ARMC3: variants seen among roughly 807,000 people sequenced by gnomAD.
The protein encoded by ARMC3 is armadillo repeat containing 3, also known as armadillo repeat-containing protein 3.
In ARMC3, 74 loss-of-function variants were observed where a neutral mutation model predicts 90.3. The ratio of observed to expected loss-of-function variants is 0.82; its 90% CI spans 0.68 to 0.99. ARMC3 has a LOEUF of 0.99. ARMC3 is among the 50% of genes least tolerant of loss of function. The probability of loss-of-function intolerance (pLI) is 0.00; values close to 1 mark genes in which losing one functional copy is unlikely to be tolerated. For synonymous variants in ARMC3, 334 were observed against 361.8 expected (o/e 0.92, Z 0.87); for missense variants, 958 against 1,042.8 (o/e 0.92, Z 1.12).
chr10:22,931,432 A>T (rs896543995), intron 1 of ARMC3, among the ~76,000 whole-genome samples: 5 of 152,204 alleles, frequency 3.3e-5, no homozygotes, highest in Non-Finnish European at 7.4e-5. Flanking sequence ...ACTTTTTGTT[A>T]TCCGGGCAAA....
intron 10 of ARMC3, among the ~76,000 whole-genome samples, chr10:22,995,963 T>C (rs1183808742): frequency 6.6e-6 from 1 of 152,186 alleles, no homozygotes; most frequent in Non-Finnish European, 1.5e-5. Context: ...AAAGTGAACA[T>C]TCTCGAGGGA....
intron 7 of ARMC3, among the ~76,000 whole-genome samples, chr10:22,963,476 C>T (rs1332907073): frequency 6.6e-6 from 1 of 152,158 alleles, no homozygotes; most frequent in Non-Finnish European, 1.5e-5. Flanking sequence ...TTCTTCTCCA[C>T]ATCCTCACCT....
At chr10:23,017,872 C>T (rs779312909) in intron 16 of ARMC3, among the ~76,000 whole-genome samples, 6 of 152,224 alleles carry the variant, frequency 3.9e-5, no homozygotes, top group Non-Finnish European at 7.4e-5. Context: ...GTTTTAAGTT[C>T]CTTGTTCTCA....
At position 23,018,514 on chromosome 10, in the gene ARMC3, ATTTTTTTT is replaced by A. The variant is rs5783816; in HGVS notation, c.2045+9596_2045+9603del. The stretch of plus-strand genomic sequence containing the variant: ...CATTTATTAGACTTGCACCTTAGTA[ATTTTTTTT>A]TTTTTTTTTTTTGAGACGGAGTCTC... On this transcript the variant is annotated intron_variant, in intron 16 of 18. Transcript: ENST00000298032. Among the ~76,000 whole-genome samples the A allele has an allele frequency of 3.8e-3, 436 of 115,476 alleles. 5 individuals are homozygous for A. The highest frequency in any genetic ancestry group is 0.015 in the African/African-American group (423 of 28,900). 75.8% of individuals were successfully genotyped at this position (115,476 alleles called of 152,430 possible).
intron 8 of ARMC3, among the ~76,000 whole-genome samples, chr10:22,968,954 T>G (rs1765099011): frequency 6.6e-6 from 1 of 152,208 alleles, no homozygotes; most frequent in African/African-American, 2.4e-5. Context: ...AGTTAGAGAT[T>G]TGTCAGGGAT....
chr10:22,978,726 A>T (rs1836050801), intron 8 of ARMC3, among the ~76,000 whole-genome samples: 3 of 152,250 alleles, frequency 2.0e-5, no homozygotes, highest in Non-Finnish European at 4.4e-5. Flanking sequence ...GAAGAAGTTT[A>T]AAAAATTTCC....
At chr10:23,000,323 A>C (rs920822190) in intron 11 of ARMC3, among the ~76,000 whole-genome samples, 8 of 152,050 alleles carry the variant, frequency 5.3e-5, no homozygotes, top group African/African-American at 1.9e-4. Context: ...AATTCCTATT[A>C]GTTCTTCAAA....
intron 2 of ARMC3, among the ~76,000 whole-genome samples, chr10:22,944,803 A>G (rs1834462828): frequency 6.6e-6 from 1 of 152,180 alleles, no homozygotes; most frequent in Non-Finnish European, 1.5e-5. Context: ...TTAGTGTTGC[A>G]GCCAGCATCC....
At chr10:23,017,616 T>C (rs1352777894) in intron 16 of ARMC3, among the ~76,000 whole-genome samples, 1 of 152,150 alleles carries the variant, frequency 6.6e-6, no homozygotes, top group East Asian at 1.9e-4. Context: ...AATACAAAAA[T>C]TAGCTGGGTA....
intron 16 of ARMC3, among the ~76,000 whole-genome samples, chr10:23,009,314 C>T (rs1837803567): frequency 6.6e-6 from 1 of 152,176 alleles, no homozygotes; most frequent in Non-Finnish European, 1.5e-5. Context: ...GAACCCCACA[C>T]CCAGATGTGT....
chr10:22,976,256 C>G (rs542143174), intron 8 of ARMC3, among the ~76,000 whole-genome samples: 3 of 152,176 alleles, frequency 2.0e-5, no homozygotes, highest in Non-Finnish European at 4.4e-5. Context: ...TTCTTATCAA[C>G]CTCTTTGACA....
intron 10 of ARMC3, among the ~76,000 whole-genome samples, chr10:22,987,198 T>G (rs934098937): frequency 2.7e-4 from 41 of 152,212 alleles, no homozygotes; most frequent in African/African-American, 8.9e-4. Flanking sequence ...CAGCTAAATT[T>G]CATGTTACAT....
At chr10:22,970,207 G>T (rs994968102) in intron 8 of ARMC3, among the ~76,000 whole-genome samples, 3 of 152,164 alleles carry the variant, frequency 2.0e-5, no homozygotes, top group African/African-American at 4.8e-5. Context: ...AACAAGCTAG[G>T]ACCTAGAGTA....
rs1295956126 is a variant in ARMC3, at chr10:23,038,227, T to C, written c.*748T>C. 6.6e-6 allele frequency: 1 copy of C among 152,132 alleles called. No homozygotes were observed. The highest frequency in any genetic ancestry group is 1.5e-5 in the Non-Finnish European group (1 of 68,034). 9.4% of individuals were successfully genotyped at this position (152,132 alleles called of 1,614,324 possible). A position where few individuals can be genotyped will look rare whatever the true frequency, so the allele number is the denominator to read the frequency against. ...AAAAATTTTTATTTTTTGGAAAACT[T>C]TGAAGCATAAAGGTAGAGCAAATCT... is the stretch of plus-strand genomic sequence containing the variant. On this transcript the variant is annotated 3_prime_UTR_variant, in exon 19 of 19. Coordinates refer to ENST00000298032, the MANE Select transcript of ARMC3 (RefSeq NM_173081.5).
chr10:22,979,097 A>C (rs1376879499), intron 8 of ARMC3, among the ~76,000 whole-genome samples: 7 of 152,234 alleles, frequency 4.6e-5, no homozygotes, highest in Admixed American at 1.3e-4. Context: ...CAGGAGCAAA[A>C]GTGGCACAAT....
chr10:22,950,428 G>A (rs2131208216), intron 3 of ARMC3, among the ~76,000 whole-genome samples: 1 of 152,170 alleles, frequency 6.6e-6, no homozygotes, highest in South Asian at 2.1e-4. Context: ...ACTGTGTTAA[G>A]TTAAAGATGT....
chr10:23,031,927 T>C (rs1838938257), intron 17 of ARMC3, among the ~76,000 whole-genome samples: 1 of 151,988 alleles, frequency 6.6e-6, no homozygotes, highest in Non-Finnish European at 1.5e-5. Context: ...CTTTGCTTGG[T>C]TTTTCATGCA....
intron 2 of ARMC3, among the ~76,000 whole-genome samples, chr10:22,939,505 T>C (rs1477573475): frequency 6.6e-6 from 1 of 152,186 alleles, no homozygotes; most frequent in Non-Finnish European, 1.5e-5. Context: ...AGAAAAGTCA[T>C]GCGTTAATAG....
intron 10 of ARMC3, among the ~76,000 whole-genome samples, chr10:22,992,544 G>A: frequency 6.6e-6 from 1 of 151,950 alleles, no homozygotes; most frequent in East Asian, 1.9e-4. Context: ...ACAATTAATT[G>A]GTTGTCTCCC....
Sources: gnomAD v4.1 joint callset for allele counts (sites outside exome capture counted in the v4.1 genomes callset) on GRCh38, gnomAD v4.1.1 for gene constraint, MANE v1.5 for transcripts, NCBI Gene and HGNC (gene_info 2026-07-23, HGNC 2026-07-21) for gene names.